Variants in PCLAF observed in about 807,000 individuals in gnomAD.
PCLAF encodes the protein PCNA-associated factor.
In PCLAF, 12 loss-of-function variants were observed where a neutral mutation model predicts 15.1. The ratio of observed to expected loss-of-function variants is 0.79; its 90% confidence interval spans 0.51 to 1.29. The LOEUF is 1.29. Ranked by LOEUF, PCLAF falls within the 50% of genes most tolerant of loss-of-function variation. PCLAF has a pLI of 0.00. For missense variants in PCLAF, 116 were observed against 130.9 expected, an observed-to-expected ratio of 0.89 and a Z score of 0.56; for synonymous variants, 33 against 47.1, an observed-to-expected ratio of 0.70 and a Z score of 1.22.
chr15:64,371,277 T>C (rs1384217964), intron 3 of PCLAF, among the ~76,000 whole-genome samples: 1 of 151,646 alleles, frequency 6.6e-6, no homozygotes. Context: ...TTTTTTTTTT[T>C]TGAGACGAAG....
At chr15:64,368,644 C>A (rs1362809816) in intron 3 of PCLAF, among the ~76,000 whole-genome samples, 1 of 151,964 alleles carries the variant, frequency 6.6e-6, no homozygotes, top group Non-Finnish European at 1.5e-5. Flanking sequence ...TTTATTATTT[C>A]AATAAAGGGG....
At chr15:64,380,838 T>C in intron 2 of PCLAF, 120 bp downstream of exon 2, 2 of 797,418 alleles carry the variant, frequency 2.5e-6, no homozygotes, top group East Asian at 5.3e-5. Flanking sequence ...CCTCTCTTAT[T>C]ATATCACAGG....
chr15:64,377,730 G>C (rs1265242338), intron 2 of PCLAF, among the ~76,000 whole-genome samples: 1 of 137,550 alleles, frequency 7.3e-6, no homozygotes, highest in Non-Finnish European at 1.5e-5. Context: ...GTTCATAAGA[G>C]AAGTCCAATT....
chr15:64,378,121 A>G (rs971691585), intron 2 of PCLAF, among the ~76,000 whole-genome samples: 18 of 152,100 alleles, frequency 1.2e-4, no homozygotes, highest in Admixed American at 3.3e-4. Context: ...TAGTAGAGAC[A>G]GGGTTTCACC....
upstream of PCLAF, chr15:64,382,378 T>A (rs1232255555): frequency 7.1e-6 from 1 of 141,176 alleles, no homozygotes; most frequent in Non-Finnish European, 1.5e-5. Flanking sequence ...AATCACACCA[T>A]GCACTCCAGC....
chr15:64,370,391 G>A (rs1376445753), intron 3 of PCLAF, among the ~76,000 whole-genome samples: 2 of 148,854 alleles, frequency 1.3e-5, no homozygotes, highest in African/African-American at 5.0e-5. Context: ...TTTTTCAGAC[G>A]GATTATCGCT....
chr15:64,372,486 C>T lies in PCLAF; in HGVS notation c.290+4257G>A, dbSNP rs1187640203. Among the ~76,000 whole-genome samples the T allele has an allele frequency of 4.0e-5, 6 of 151,808 alleles. No individual in the cohort carries two copies. The East Asian group carries it at 5.8e-4, about 15-fold the overall frequency. On this transcript the variant is annotated intron_variant, in intron 3 of 3. Transcript: ENST00000300035. ...AAAATTAGCCGGGCGTGGCGGCGTG[C>T]GCCTGTAGTCCCAGCTGCTGGGGAG...
chr15:64,386,024 TA>T (rs1456661390), upstream of PCLAF, among the ~76,000 whole-genome samples: 5 of 152,080 alleles, frequency 3.3e-5, no homozygotes. Flanking sequence ...AATTCCCTAA[TA>T]AATCTCCTCA....
intron 1 of PCLAF, among the ~76,000 whole-genome samples, chr15:64,386,542 G>A (rs911342619): frequency 3.3e-5 from 5 of 151,930 alleles, no homozygotes; most frequent in African/African-American, 1.2e-4. Flanking sequence ...AGACTGGTCC[G>A]GAACTCCTGG....
rs564730698 is a variant in PCLAF at position 64,370,255 on chromosome 15, T to G, written c.291-4180A>C. Among the ~76,000 whole-genome samples the G allele has an allele frequency of 8.4e-3, 1,274 of 151,030 alleles. 13 individuals are homozygous for G. Among genetic ancestry groups the G allele is most frequent in the East Asian group, 0.021 (110 of 5,174 alleles). ...CCATGCCCACCTAATTTTTTTTTTT[T>G]TTTTTTTTTGTGTAGAGACCATGCC... On this transcript the variant is annotated intron_variant, in intron 3 of 3. Transcript: ENST00000300035.
chr15:64,371,714 AG>A (rs1439873707), intron 3 of PCLAF, among the ~76,000 whole-genome samples: 1 of 152,120 alleles, frequency 6.6e-6, no homozygotes, highest in South Asian at 2.1e-4. Context: ...CTCCTGCCTC[AG>A]CCTCCTGAGC....
chr15:64,366,099 A>G (rs1170523868), intron 3 of PCLAF, 24 bp from the exon 4 acceptor site: 1 of 1,586,858 alleles, frequency 6.3e-7, no homozygotes, highest in Non-Finnish European at 8.6e-7. Context: ...AGAGAACATC[A>G]ATAGCCATCC....
chr15:64,384,845 A>G (rs1215774777), upstream of PCLAF, among the ~76,000 whole-genome samples: 1 of 152,194 alleles, frequency 6.6e-6, no homozygotes, highest in African/African-American at 2.4e-5. Context: ...AATGACAGTA[A>G]TAATAAATTG....
In PCLAF at chr15:64,364,914, T is replaced by A. The variant is rs1898969100; in HGVS notation, c.*1116A>T. 1 of 151,782 alleles carries A rather than the reference T, an allele frequency of 6.6e-6. No homozygotes were observed. Among genetic ancestry groups the A allele is most frequent in the South Asian group, 2.1e-4 (1 of 4,810 alleles). The allele number at this position is 151,782 out of a possible 1,614,324, so 9.4% of individuals were successfully genotyped here. A position where few individuals can be genotyped will look rare whatever the true frequency, so the allele number is the denominator to read the frequency against. On this transcript the variant is annotated 3_prime_UTR_variant, in exon 4 of 4. Coordinates refer to ENST00000300035, the MANE Select transcript of PCLAF (RefSeq NM_014736.6). ...TGGCCAGGCTGGTCTTGAACTCCTA[T>A]CTCAGGTGATCCACCTGCCTTGGCC...
chr15:64,366,887 C>T (rs1404982347), intron 3 of PCLAF, among the ~76,000 whole-genome samples: 1 of 150,952 alleles, frequency 6.6e-6, no homozygotes, highest in Non-Finnish European at 1.5e-5. Context: ...GCAGGAGAAT[C>T]GCTTGAGCAT....
chr15:64,369,872 T>C (rs187711778), intron 3 of PCLAF, among the ~76,000 whole-genome samples: 1 of 152,256 alleles, frequency 6.6e-6, no homozygotes, highest in Admixed American at 6.5e-5. Context: ...GTAACAGATA[T>C]AGAATGTACA....
upstream of PCLAF, among the ~76,000 whole-genome samples, chr15:64,385,583 CT>C (rs1899917393): frequency 6.6e-6 from 1 of 151,466 alleles, no homozygotes; most frequent in African/African-American, 2.4e-5. Flanking sequence ...CAAGATTGCA[CT>C]ATTGCACTCC....
chr15:64,383,920 A>T (rs976154378), upstream of PCLAF, among the ~76,000 whole-genome samples: 30 of 152,114 alleles, frequency 2.0e-4, no homozygotes, highest in African/African-American at 7.2e-4. Flanking sequence ...ACCAACGATG[A>T]TAATGAAGAA....
chr15:64,383,663 G>A (rs943014808), upstream of PCLAF, among the ~76,000 whole-genome samples: 1 of 152,016 alleles, frequency 6.6e-6, no homozygotes. Context: ...CACCACACCT[G>A]GCCAGCACAG....
Sources: allele counts gnomAD v4.1 joint callset (sites outside exome capture counted in the v4.1 genomes callset), GRCh38; gene constraint gnomAD v4.1.1; transcripts MANE v1.5; gene names NCBI Gene and HGNC (gene_info 2026-07-23, HGNC 2026-07-21).